GLI3: variants seen among roughly 807,000 people sequenced by gnomAD.
GLI3 encodes GLI family zinc finger 3, also known as transcription activator GLI3.
Under a neutral mutation model 100.8 loss-of-function variants are expected in GLI3, and 20 were observed. The observed-to-expected ratio is 0.20, with a 90% CI of 0.14 to 0.29. The LOEUF is 0.29. Ranked by LOEUF, GLI3 falls within the 10% of genes least tolerant of loss-of-function variation. The probability of loss-of-function intolerance (pLI) is 1.00; values close to 1 mark genes in which losing one functional copy is unlikely to be tolerated. For missense variants in GLI3, 2,040 were observed against 2,128.5 expected, an observed-to-expected ratio of 0.96 and a Z score of 0.82; for synonymous variants, 938 against 860.5, an observed-to-expected ratio of 1.09 and a Z score of -1.58.
At chr7:42,067,240 T>G (rs1453214105) in intron 4 of GLI3, among the ~76,000 whole-genome samples, 2 of 152,188 alleles carry the variant, frequency 1.3e-5, no homozygotes, top group Admixed American at 6.5e-5. Flanking sequence ...AAAACTTTCC[T>G]TAGTGTGCAT....
chr7:42,152,877 T>A (rs1337105523), intron 2 of GLI3, among the ~76,000 whole-genome samples: 1 of 152,000 alleles, frequency 6.6e-6, no homozygotes, highest in East Asian at 1.9e-4. Flanking sequence ...AAGGAAGGGG[T>A]GAGCTTTTTT....
chr7:42,172,009 A>G (rs1455556719), intron 2 of GLI3, among the ~76,000 whole-genome samples: 3 of 152,154 alleles, frequency 2.0e-5, no homozygotes, highest in African/African-American at 7.2e-5. Flanking sequence ...GGACTCGTGC[A>G]CATTCTGCTC....
chr7:42,257,379 G>A (rs1188261105), intron 1 of GLI3, among the ~76,000 whole-genome samples: 2 of 141,446 alleles, frequency 1.4e-5, no homozygotes, highest in African/African-American at 2.6e-5. Flanking sequence ...TTTTTGAGAC[G>A]GAGTCTCGCT....
intron 4 of GLI3, among the ~76,000 whole-genome samples, chr7:42,060,807 G>C (rs1784551979): frequency 6.6e-6 from 1 of 152,114 alleles, no homozygotes; most frequent in Admixed American, 6.5e-5. Context: ...AAACTCCTGG[G>C]ATAAGTGACA....
At chr7:42,216,853 G>A (rs980573006) in intron 2 of GLI3, among the ~76,000 whole-genome samples, 7 of 152,146 alleles carry the variant, frequency 4.6e-5, no homozygotes, top group African/African-American at 1.4e-4. Flanking sequence ...CTAAAGCATA[G>A]GTTATGCGAT....
intron 10 of GLI3, 68 bp downstream of exon 10, chr7:42,023,398 CAG>C: frequency 6.6e-7 from 1 of 1,521,268 alleles, no homozygotes; most frequent in Non-Finnish European, 9.1e-7. Context: ...AGCTCAGGGT[CAG>C]AGAGGCTGAC....
chr7:42,088,184 G>A (rs899312660), intron 3 of GLI3, among the ~76,000 whole-genome samples: 2 of 152,306 alleles, frequency 1.3e-5, no homozygotes, highest in African/African-American at 4.8e-5. Context: ...CAAAGACATT[G>A]GCTATGTGAG....
chr7:42,145,237 A>G (rs983738283), intron 3 of GLI3: 33 of 220,150 alleles, frequency 1.5e-4, no homozygotes, highest in Non-Finnish European at 2.4e-4. Flanking sequence ...TTCTAAAGAA[A>G]AAGTAAAGTC....
intron 6 of GLI3, among the ~76,000 whole-genome samples, chr7:42,042,257 G>A (rs544572828): frequency 9.9e-5 from 15 of 151,930 alleles, no homozygotes; most frequent in African/African-American, 3.6e-4. Context: ...CTTGTGATCC[G>A]CCAGTCTCGG....
intron 1 of GLI3, among the ~76,000 whole-genome samples, chr7:42,245,285 G>A (rs1454934628): frequency 6.6e-6 from 1 of 152,184 alleles, no homozygotes; most frequent in Non-Finnish European, 1.5e-5. Flanking sequence ...AGTACAGCCT[G>A]TAATCACAGA....
At chr7:42,091,769 T>TA (rs1265466403) in intron 3 of GLI3, among the ~76,000 whole-genome samples, 1 of 152,228 alleles carries the variant, frequency 6.6e-6, no homozygotes, top group African/African-American at 2.4e-5. Flanking sequence ...CTCAGTTTAT[T>TA]ATTTAAACAG....
intron 7 of GLI3, among the ~76,000 whole-genome samples, chr7:42,028,876 T>C (rs73688620): frequency 3.5e-4 from 54 of 152,310 alleles, no homozygotes; most frequent in African/African-American, 1.2e-3. Flanking sequence ...CGCAGTTTCC[T>C]AGGTCTACGA....
At chr7:42,102,148 G>A (rs963182255) in intron 3 of GLI3, among the ~76,000 whole-genome samples, 1 of 152,052 alleles carries the variant, frequency 6.6e-6, no homozygotes, top group Admixed American at 6.5e-5. Flanking sequence ...GTAAACATAC[G>A]TGTGCATGTG....
intron 2 of GLI3, among the ~76,000 whole-genome samples, chr7:42,212,498 A>G (rs980083458): frequency 3.9e-5 from 6 of 152,266 alleles, no homozygotes; most frequent in African/African-American, 1.4e-4. Context: ...CAATATATTT[A>G]AAAGGGAAAG....
At chr7:42,129,999 G>C (rs918565740) in intron 3 of GLI3, among the ~76,000 whole-genome samples, 3 of 152,066 alleles carry the variant, frequency 2.0e-5, no homozygotes, top group African/African-American at 7.2e-5. Flanking sequence ...CTTCAGCGTG[G>C]ATTTTGAAGC....
chr7:42,249,229 C>T (rs1426444431), intron 1 of GLI3, among the ~76,000 whole-genome samples: 1 of 152,162 alleles, frequency 6.6e-6, no homozygotes, highest in Admixed American at 6.5e-5. Context: ...AACTATTGCG[C>T]TCTGCCATTG....
At chr7:42,180,118 G>A (rs890961318) in intron 2 of GLI3, among the ~76,000 whole-genome samples, 3 of 152,214 alleles carry the variant, frequency 2.0e-5, no homozygotes, top group Admixed American at 6.5e-5. Context: ...AGATAAGAAC[G>A]AGGAGTGGCC....
At chr7:42,144,591 A>G (rs1003296291) in intron 3 of GLI3, among the ~76,000 whole-genome samples, 1 of 151,798 alleles carries the variant, frequency 6.6e-6, no homozygotes, top group Non-Finnish European at 1.5e-5. Flanking sequence ...TTGCCTAACT[A>G]CAATTTCTGA....
chr7:42,223,939 C>T (rs1017147628), intron 1 of GLI3, among the ~76,000 whole-genome samples: 2 of 152,214 alleles, frequency 1.3e-5, no homozygotes, highest in African/African-American at 4.8e-5. Context: ...TTAAGTTACA[C>T]TTTTAAGACA....
Sources: allele counts gnomAD v4.1 joint callset (sites outside exome capture counted in the v4.1 genomes callset), GRCh38; gene constraint gnomAD v4.1.1; transcripts MANE v1.5; gene names NCBI Gene and HGNC (gene_info 2026-07-23, HGNC 2026-07-21).